Variants in PUS7 observed in about 807,000 individuals in gnomAD.
PUS7 encodes the protein pseudouridine synthase 7.
A neutral mutation model predicts 79.8 loss-of-function variants in PUS7; 48 were observed. The observed-to-expected ratio is 0.60, with a 90% CI of 0.48 to 0.76. PUS7 has a LOEUF of 0.76. Among genes scored for constraint, PUS7 ranks in the 30% least tolerant of loss-of-function variants. The pLI, the probability that PUS7 is intolerant of heterozygous loss-of-function variation, is 0.00. For missense variants in PUS7, 729 were observed against 797.6 expected, an observed-to-expected ratio of 0.91 and a Z score of 1.04; for synonymous variants, 286 against 272.2, an observed-to-expected ratio of 1.05 and a Z score of -0.50.
chr7:105,501,453 G>A (rs1220807377), intron 5 of PUS7, among the ~76,000 whole-genome samples: 2 of 152,044 alleles, frequency 1.3e-5, no homozygotes, highest in Non-Finnish European at 2.9e-5. Context: ...AACTTTTGTG[G>A]CTGTAGATAA....
chr7:105,482,421 C>A lies in PUS7; in HGVS notation c.940G>T (p.Ala314Ser), dbSNP rs200010674. 3.8e-6 allele frequency: 6 copies of A among 1,593,190 alleles called. No homozygotes were observed. In the Admixed American group the frequency reaches 6.8e-5, roughly 18 times the overall value. The change falls in exon 8 of 16, where the codon GCC becomes TCC. Residue 314 changes from alanine to serine, a missense_variant. Physicochemically the swap from Ala to Ser is moderately conservative, Grantham distance 99. Transcript: ENST00000469408. ...TTCATCAAGCACTTATTCAGGTGGG[C>A]AAGTCTTTGTGCAGTTATTCTTTAA... The part of the protein sequence containing the change: ...AVLKITAQRL[A>S]HLNKCLMNFK...
At chr7:105,488,999 T>C (rs1199152758) in intron 7 of PUS7, among the ~76,000 whole-genome samples, 1 of 151,670 alleles carries the variant, frequency 6.6e-6, no homozygotes, top group African/African-American at 2.4e-5. Flanking sequence ...ATACAAGAAA[T>C]TAGCTGGGCA....
intron 9 of PUS7, among the ~76,000 whole-genome samples, chr7:105,474,638 G>A (rs970914509): frequency 1.0e-4 from 15 of 150,550 alleles, no homozygotes; most frequent in East Asian, 7.9e-4. Context: ...AAAAATAATC[G>A]GGCGTGGTGG....
intron 14 of PUS7, among the ~76,000 whole-genome samples, chr7:105,461,891 G>C (rs574380848): frequency 1.2e-4 from 18 of 152,144 alleles, no homozygotes; most frequent in African/African-American, 4.3e-4. Context: ...CATAGAAAAG[G>C]CACAGGCTGG....
At chr7:105,498,364 A>T (rs1346511311) in intron 5 of PUS7, among the ~76,000 whole-genome samples, 1 of 152,224 alleles carries the variant, frequency 6.6e-6, no homozygotes, top group Non-Finnish European at 1.5e-5. Context: ...GAATGAATTT[A>T]AAATAACTTG....
intron 14 of PUS7, among the ~76,000 whole-genome samples, 167 bp from the exon 15 acceptor site, chr7:105,459,426 G>A (rs1335377873): frequency 1.3e-5 from 2 of 151,392 alleles, no homozygotes; most frequent in Non-Finnish European, 2.9e-5. Flanking sequence ...CCTAAGTTTT[G>A]CTTATATATA....
At position 105,522,173 on chromosome 7, in the gene PUS7, A is replaced by G. The variant is rs1230682327; in HGVS notation, c.-154T>C. 1.3e-5 allele frequency: 2 copies of G among 152,036 alleles called. No individual in the cohort carries two copies. The highest frequency in any genetic ancestry group is 2.4e-5 in the African/African-American group (1 of 41,394). The allele number at this position is 152,036 out of a possible 1,614,324, so 9.4% of individuals were successfully genotyped here. A position where few individuals can be genotyped will look rare whatever the true frequency, so the allele number is the denominator to read the frequency against. ...GCCAGCGGCTAGGGCGGCCAGGCAAAAGCAGCGCTTTCCGCGCGGAGGACC... is the reference window on the plus strand; with the variant it reads ...GCCAGCGGCTAGGGCGGCCAGGCAAGAGCAGCGCTTTCCGCGCGGAGGACC... On this transcript the variant is annotated 5_prime_UTR_variant, in exon 1 of 16. Coordinates refer to ENST00000469408, the MANE Select transcript of PUS7 (RefSeq NM_019042.5).
chr7:105,499,057 A>G (rs1233181422), intron 5 of PUS7, among the ~76,000 whole-genome samples: 1 of 152,220 alleles, frequency 6.6e-6, no homozygotes, highest in Non-Finnish European at 1.5e-5. Flanking sequence ...AGCAGTCTGT[A>G]TATACTACCT....
At chr7:105,473,076 A>G (rs1191055197) in intron 9 of PUS7, among the ~76,000 whole-genome samples, 1 of 151,982 alleles carries the variant, frequency 6.6e-6, no homozygotes, top group African/African-American at 2.4e-5. Context: ...GGTATTATTT[A>G]TATAAATCGC....
intron 7 of PUS7, among the ~76,000 whole-genome samples, chr7:105,483,164 G>GT (rs1235840935): frequency 2.1e-5 from 3 of 143,356 alleles, no homozygotes; most frequent in Non-Finnish European, 4.5e-5. Flanking sequence ...ACCCAATGTT[G>GT]TTTCTTTCTT....
intron 12 of PUS7, 98 bp downstream of exon 12, chr7:105,468,235 ATCTC>A (rs953579371): frequency 4.1e-6 from 6 of 1,470,628 alleles, no homozygotes; most frequent in Non-Finnish European, 5.5e-6. Context: ...GCCTCACCAC[ATCTC>A]TCTTTCTTAA....
At chr7:105,474,219 A>C (rs530850033) in intron 9 of PUS7, among the ~76,000 whole-genome samples, 1 of 152,334 alleles carries the variant, frequency 6.6e-6, no homozygotes, top group Non-Finnish European at 1.5e-5. Context: ...ATGATCTAAA[A>C]TGCTATTTGG....
intron 1 of PUS7, among the ~76,000 whole-genome samples, chr7:105,515,876 C>T (rs1313032864): frequency 6.6e-6 from 1 of 151,696 alleles, no homozygotes; most frequent in Admixed American, 6.6e-5. Context: ...GTGGCATGTT[C>T]TTGGCTCACT....
chr7:105,517,545 ATAT>A (rs1416634194), intron 1 of PUS7, among the ~76,000 whole-genome samples: 1 of 152,176 alleles, frequency 6.6e-6, no homozygotes, highest in Non-Finnish European at 1.5e-5. Context: ...GAGAATAGAA[ATAT>A]TATAATTTTA....
Position 105,508,634 on chromosome 7 carries a change from T to C in PUS7, c.-32-90A>G, listed in dbSNP as rs1454733799. The C allele has an allele frequency of 2.7e-6, 4 of 1,481,336 alleles. No individual in the cohort carries two copies. In the East Asian group the frequency reaches 9.3e-5, roughly 34 times the overall value. 91.8% of individuals were successfully genotyped at this position (1,481,336 alleles called of 1,614,324 possible). A position where few individuals can be genotyped will look rare whatever the true frequency, so the allele number is the denominator to read the frequency against. On this transcript the variant is annotated intron_variant, in intron 1 of 15. Coordinates refer to ENST00000469408, the MANE Select transcript of PUS7 (RefSeq NM_019042.5). ...GGCTCACACCTGTAATCCCAGCGTT[T>C]TGAGGGAGGTTAAGGCAGGCAGATC...
chr7:105,482,010 G>A (rs1417366477), intron 8 of PUS7, among the ~76,000 whole-genome samples: 1 of 152,172 alleles, frequency 6.6e-6, no homozygotes, highest in African/African-American at 2.4e-5. Context: ...GATTACAGGC[G>A]TGAGCCACTG....
chr7:105,484,460 CA>C (rs1309608928), intron 7 of PUS7, among the ~76,000 whole-genome samples: 3 of 146,366 alleles, frequency 2.0e-5, no homozygotes, highest in Non-Finnish European at 4.6e-5. Context: ...AAAATTAAAA[CA>C]AACAACTATA....
intron 9 of PUS7, among the ~76,000 whole-genome samples, chr7:105,473,893 G>T (rs1823977351): frequency 1.3e-5 from 2 of 152,156 alleles, no homozygotes; most frequent in Non-Finnish European, 2.9e-5. Flanking sequence ...CATAAGAAAG[G>T]TTATGTATTA....
At chr7:105,460,367 G>T (rs1823371259) in intron 14 of PUS7, among the ~76,000 whole-genome samples, 1 of 152,208 alleles carries the variant, frequency 6.6e-6, no homozygotes, top group African/African-American at 2.4e-5. Context: ...TACTGAGAAG[G>T]AACAGTTCTC....
Sources: allele counts gnomAD v4.1 joint callset (sites outside exome capture counted in the v4.1 genomes callset), GRCh38; gene constraint gnomAD v4.1.1; transcripts MANE v1.5; gene names NCBI Gene and HGNC (gene_info 2026-07-23, HGNC 2026-07-21).